The following KDM2B variants were observed in gnomAD, a reference collection of about 807,000 sequenced individuals.
KDM2B encodes the protein lysine demethylase 2B.
A neutral mutation model predicts 150.0 loss-of-function variants in KDM2B; 26 were observed. The ratio of observed to expected loss-of-function variants is 0.17; its 90% confidence interval spans 0.13 to 0.24. The LOEUF is 0.24. Among genes scored for constraint, KDM2B ranks in the 10% least tolerant of loss-of-function variants. The pLI is 1.00. For missense variants in KDM2B, 1,265 were observed against 1,816.9 expected (o/e 0.70, Z 5.52); for synonymous variants, 734 against 729.5 (o/e 1.01, Z -0.10).
At chr12:121,516,565 G>T in intron 9 of KDM2B, 1 of 1,435,234 alleles carries the variant, frequency 7.0e-7, no homozygotes, top group Non-Finnish European at 9.2e-7. Flanking sequence ...TTTGTTGACA[G>T]ACTCGGAGCC....
chr12:121,500,884 T>G (rs920834654), intron 11 of KDM2B, among the ~76,000 whole-genome samples: 3 of 152,318 alleles, frequency 2.0e-5, no homozygotes, highest in African/African-American at 7.2e-5. Context: ...GCGGATCACT[T>G]GAGGCAAAGA....
At chr12:121,578,087 C>A (rs1891629971) in intron 2 of KDM2B, among the ~76,000 whole-genome samples, 1 of 152,170 alleles carries the variant, frequency 6.6e-6, no homozygotes, top group Non-Finnish European at 1.5e-5. Context: ...CTTCAAACTG[C>A]CAGGGGACAG....
At chr12:121,412,447 G>A in the KDM2B span, among the ~76,000 whole-genome samples, 1 of 151,750 alleles carries the variant, frequency 6.6e-6, no homozygotes, top group African/African-American at 2.4e-5. Context: ...GTTTCACCGT[G>A]TCAGCCAGGA....
At chr12:121,560,020 A>T (rs532583772) in intron 4 of KDM2B, among the ~76,000 whole-genome samples, 43 of 151,982 alleles carry the variant, frequency 2.8e-4, no homozygotes, top group Admixed American at 1.6e-3. Flanking sequence ...ATATGTTTTT[A>T]TTTAGGAGAC....
Position 121,578,793 on chromosome 12 carries a change from G to T in KDM2B, c.271+9C>A. The T allele has an allele frequency of 1.3e-6, 2 of 1,521,762 alleles. No homozygotes were observed. The allele number at this position is 1,521,762 out of a possible 1,614,324, so 94.3% of individuals were successfully genotyped here. A position where few individuals can be genotyped will look rare whatever the true frequency, so the allele number is the denominator to read the frequency against. On this transcript the variant is annotated intron_variant, in intron 2 of 22. Coordinates refer to ENST00000377071, the MANE Select transcript of KDM2B (RefSeq NM_032590.5). ...GCGCAGAGGGCGGCCCGGGGTGGGG[G>T]CGCCTCACCTTTGCCCTCCATGGCG...
intron 4 of KDM2B, among the ~76,000 whole-genome samples, chr12:121,573,598 T>C (rs1482265661): frequency 2.0e-5 from 3 of 151,576 alleles, no homozygotes; most frequent in Non-Finnish European, 2.9e-5. Context: ...TTTTTTTTTT[T>C]TTTTGAGACG....
chr12:121,570,207 G>A (rs1330195170), intron 4 of KDM2B, among the ~76,000 whole-genome samples: 1 of 152,014 alleles, frequency 6.6e-6, no homozygotes, highest in African/African-American at 2.4e-5. Flanking sequence ...CCGCCACCAT[G>A]ACCGGCTGAT....
chr12:121,522,069 C>T (rs143749519), intron 8 of KDM2B, among the ~76,000 whole-genome samples: 2,101 of 151,640 alleles, frequency 0.014, 48 homozygotes, highest in African/African-American at 0.048. Flanking sequence ...TGATCACACC[C>T]CTGCACTCCA....
At chr12:121,557,564 A>C (rs148327097) in intron 4 of KDM2B, among the ~76,000 whole-genome samples, 278 of 152,228 alleles carry the variant, frequency 1.8e-3, no homozygotes, top group Admixed American at 4.0e-3. Flanking sequence ...GTGGACACAG[A>C]CACACAGAAG....
chr12:121,528,750 A>G (rs554165545), intron 8 of KDM2B, among the ~76,000 whole-genome samples: 17 of 149,858 alleles, frequency 1.1e-4, no homozygotes, highest in Middle Eastern at 7.2e-3. Context: ...AAAATTAGCC[A>G]GGCGTGGCGG....
chr12:121,538,249 G>A (rs1489278837), intron 6 of KDM2B, among the ~76,000 whole-genome samples: 5 of 152,012 alleles, frequency 3.3e-5, no homozygotes, highest in Non-Finnish European at 4.4e-5. Context: ...GGGGTGCAGG[G>A]CTGGCTCTCC....
chr12:121,521,483 C>T lies in KDM2B; in HGVS notation c.932-383G>A, dbSNP rs974763308. 4.6e-5 allele frequency among the ~76,000 whole-genome samples: 7 copies of T among 152,186 alleles called. No individual in the cohort carries two copies. The highest frequency in any genetic ancestry group is 1.2e-4 in the African/African-American group (5 of 41,452). On this transcript the variant is annotated intron_variant, in intron 8 of 22. Coordinates refer to ENST00000377071, the MANE Select transcript of KDM2B (RefSeq NM_032590.5). The surrounding 1 kb of genome is among the most constrained non-coding windows in gnomAD (Gnocchi z 4.9). ...GAGCCTCACCTCCCCTCCCAGGTGG[C>T]ACATGTGTCCAGAGTCTTTCCTCAC...
At chr12:121,461,033 C>T (rs782001879) in intron 12 of KDM2B, among the ~76,000 whole-genome samples, 7 of 152,194 alleles carry the variant, frequency 4.6e-5, no homozygotes, top group Middle Eastern at 3.2e-3. Flanking sequence ...CAGGCAGTGG[C>T]TCTAAAGCCT....
At chr12:121,443,113 TC>T in intron 17 of KDM2B, 83 bp from the exon 18 acceptor site, 2 of 1,338,422 alleles carry the variant, frequency 1.5e-6, no homozygotes, top group Non-Finnish European at 1.0e-6. Context: ...CCACCACGAG[TC>T]CACAGTCTCC....
chr12:121,580,186 A>T, intron 1 of KDM2B: 1 of 1,524,450 alleles, frequency 6.6e-7, no homozygotes, highest in Non-Finnish European at 8.7e-7. Context: ...CGAGATCTAC[A>T]AAGTTTTGCA....
At chr12:121,522,157 C>A (rs1343085967) in intron 8 of KDM2B, among the ~76,000 whole-genome samples, 3 of 152,042 alleles carry the variant, frequency 2.0e-5, no homozygotes, top group Middle Eastern at 3.4e-3. Context: ...TTGTGCCAGG[C>A]ACAGTGGTCT....
In KDM2B at chr12:121,445,311, G is replaced by A. The variant is rs1875956727; in HGVS notation, c.2067C>T (p.Ser689=). ...CAGGGTGGATGATTTCATTGCAGAT[G>A]GAGCACTCCATGAGCATGAGGTTAA... is the stretch of plus-strand genomic sequence containing the variant. ...GKFNLMLMEC[S]ICNEIIHPGC... is the part of the protein sequence containing the mutation. The change falls in exon 14 of 23, where the codon TCC becomes TCT. Residue 689 remains serine, a synonymous_variant. Transcript: ENST00000377071. 4 of 1,614,094 alleles carry A rather than the reference G, an allele frequency of 2.5e-6. No individual in the cohort carries two copies. The highest frequency in any genetic ancestry group is 3.4e-6 in the Non-Finnish European group (4 of 1,179,986).
At chr12:121,450,082 G>A (rs79232185) in intron 13 of KDM2B, among the ~76,000 whole-genome samples, 1,875 of 152,218 alleles carry the variant, frequency 0.012, 43 homozygotes, top group African/African-American at 0.043. Flanking sequence ...AGGCCAAGGC[G>A]GGAGGGTGAT....
At chr12:121,446,715 T>G (rs1178638027) in intron 13 of KDM2B, among the ~76,000 whole-genome samples, 4 of 152,194 alleles carry the variant, frequency 2.6e-5, no homozygotes, top group Admixed American at 6.5e-5. Context: ...CTGACAGCAT[T>G]TGTTGCAAAT....
Sources: allele counts gnomAD v4.1 joint callset (sites outside exome capture counted in the v4.1 genomes callset), GRCh38; gene constraint gnomAD v4.1.1; non-coding constraint Gnocchi (gnomAD v3.1); transcripts MANE v1.5; gene names NCBI Gene and HGNC (gene_info 2026-07-23, HGNC 2026-07-21).